The following TAF4B variants were observed in gnomAD, a reference collection of about 807,000 sequenced individuals.
TAF4B encodes TATA-box binding protein associated factor 4b.
A neutral mutation model predicts 86.4 loss-of-function variants in TAF4B; 38 were observed. That is an observed-to-expected ratio of 0.44 (90% CI 0.34 to 0.58). The LOEUF (loss-of-function observed/expected upper bound fraction) is 0.58. Ranked by LOEUF, TAF4B falls within the 20% of genes least tolerant of loss-of-function variation. TAF4B has a pLI of 0.02. For synonymous variants in TAF4B, 388 were observed against 391.2 expected (o/e 0.99, Z 0.10); for missense variants, 988 against 1,027.6 (o/e 0.96, Z 0.53).
At chr18:26,252,256 A>G (rs892101513) in intron 1 of TAF4B, among the ~76,000 whole-genome samples, 5 of 152,256 alleles carry the variant, frequency 3.3e-5, no homozygotes, top group African/African-American at 1.2e-4. Flanking sequence ...GAAGTATATT[A>G]TTCTTTTTGG....
intron 9 of TAF4B, among the ~76,000 whole-genome samples, chr18:26,309,245 ATTTTTTTTTTTTT>A (rs59457633): frequency 6.7e-4 from 57 of 84,590 alleles, no homozygotes; most frequent in Admixed American, 1.6e-3. Context: ...ACCTGACAGT[ATTTTTTTTTTTTT>A]TTTTTTTTTT....
intron 13 of TAF4B, among the ~76,000 whole-genome samples, chr18:26,336,276 A>G (rs892025077): frequency 2.6e-5 from 4 of 152,164 alleles, no homozygotes; most frequent in African/African-American, 9.7e-5. Flanking sequence ...TTTTCCCTTA[A>G]CTGTGCCTCT....
Position 26,259,118 on chromosome 18 carries a change from T to A in TAF4B, c.344-6052T>A, listed in dbSNP as rs78809350. 7.4e-3 allele frequency among the ~76,000 whole-genome samples: 1,124 copies of A among 152,134 alleles called. 30 individuals carry two copies. The East Asian group carries it at 0.11, about 15-fold the overall frequency. ...CTTGGGGTTTCTTGAGCTACTTTGA[T>A]GTCTGGATTATTTTCCTCCAAATTT... On this transcript the variant is annotated intron_variant, in intron 1 of 14. Coordinates refer to ENST00000269142, the MANE Select transcript of TAF4B (RefSeq NM_005640.3).
intron 13 of TAF4B, among the ~76,000 whole-genome samples, chr18:26,355,121 C>G (rs1467117058): frequency 2.0e-5 from 3 of 152,112 alleles, no homozygotes; most frequent in Non-Finnish European, 4.4e-5. Context: ...ATTTATATCT[C>G]AGTATTTCAT....
At chr18:26,352,109 A>G (rs1270021334) in intron 13 of TAF4B, among the ~76,000 whole-genome samples, 1 of 152,126 alleles carries the variant, frequency 6.6e-6, no homozygotes, top group Non-Finnish European at 1.5e-5. Flanking sequence ...AAAAAGGGAA[A>G]CAGAGAAATG....
intron 1 of TAF4B, among the ~76,000 whole-genome samples, chr18:26,263,707 C>CTCTT (rs1007010240): frequency 2.0e-5 from 3 of 148,386 alleles, no homozygotes; most frequent in Non-Finnish European, 3.0e-5. Context: ...CGCTCTTTCT[C>CTCTT]TCTTTCTCTC....
At chr18:26,228,803 A>G (rs2055618336) in intron 1 of TAF4B, among the ~76,000 whole-genome samples, 1 of 151,996 alleles carries the variant, frequency 6.6e-6, no homozygotes, top group Non-Finnish European at 1.5e-5. Context: ...AAGAACTGTC[A>G]AGAGTGAAAA....
At chr18:26,352,020 T>G (rs961789466) in intron 13 of TAF4B, among the ~76,000 whole-genome samples, 1 of 151,960 alleles carries the variant, frequency 6.6e-6, no homozygotes, top group East Asian at 1.9e-4. Flanking sequence ...TCACTAAAAA[T>G]TAATATAAAA....
rs2056366427 is a variant in TAF4B at position 26,274,972 on chromosome 18, A to G, written c.801A>G (p.Ala267=). 1 of 1,613,166 alleles carries G rather than the reference A, an allele frequency of 6.2e-7. No homozygotes were observed. Among genetic ancestry groups the G allele is most frequent in the South Asian group, 1.1e-5 (1 of 90,944 alleles). ...ENVKKCKNFL[A]MLIKLACSGS... is the part of the protein sequence containing the mutation. ...TGAAGAAATGCAAGAACTTCCTTGC[A>G]ATGTTAATAAAACTAGCATGTAGTG... is the stretch of plus-strand genomic sequence containing the variant. Residue 267 remains alanine, a synonymous_variant, in exon 5 of 15, where the codon GCA becomes GCG. Transcript: ENST00000269142.
intron 9 of TAF4B, among the ~76,000 whole-genome samples, chr18:26,307,579 T>A (rs913310328): frequency 6.6e-6 from 1 of 152,212 alleles, no homozygotes; most frequent in Non-Finnish European, 1.5e-5. Context: ...ATGGATAATA[T>A]CTATATACTA....
At position 26,288,360 on chromosome 18, in the gene TAF4B, C is replaced by T. The variant is rs751993954; in HGVS notation, c.1590+1861C>T. Among the ~76,000 whole-genome samples the T allele has an allele frequency of 4.6e-5, 7 of 152,258 alleles. 1 individual carries two copies. Among genetic ancestry groups the T allele is most frequent in the Non-Finnish European group, 7.4e-5 (5 of 68,022 alleles). The stretch of plus-strand genomic sequence containing the variant: ...ATCCAGTAACAGTTAAGTGGCCGGG[C>T]GCAGCGGCTCATGCCTGTAATCTCA... On this transcript the variant is annotated intron_variant, in intron 7 of 14. Transcript: ENST00000269142.
intron 3 of TAF4B, among the ~76,000 whole-genome samples, chr18:26,274,047 G>C (rs527244863): frequency 1.3e-5 from 2 of 152,210 alleles, no homozygotes; most frequent in Non-Finnish European, 2.9e-5. Context: ...GTGATTGCTT[G>C]TATGAGGTTT....
In TAF4B at chr18:26,352,039, G is replaced by A. The variant is rs1027312515; in HGVS notation, c.2317-5651G>A. On this transcript the variant is annotated intron_variant, in intron 13 of 14. Transcript: ENST00000269142. ...TAAAAATTAATATAAAACATTTAGA[G>A]TTACTACAAAATGCAGTAGATAAAT... Among the ~76,000 whole-genome samples the A allele has an allele frequency of 5.3e-5, 8 of 151,940 alleles. No homozygotes were observed. The East Asian group carries it at 9.6e-4, about 18-fold the overall frequency.
At chr18:26,268,384 G>A (rs116276532) in intron 3 of TAF4B, among the ~76,000 whole-genome samples, 2,207 of 152,260 alleles carry the variant, frequency 0.014, 41 homozygotes, top group African/African-American at 0.051. Context: ...CACTGCTGCA[G>A]CTGGTTTCTG....
rs1458140908 is a variant in TAF4B at position 26,354,051 on chromosome 18, TG to T, written c.2317-3637del. On this transcript the variant is annotated intron_variant, in intron 13 of 14. Transcript: ENST00000269142. ...TTGATTTTTAAAAAATTTTTGCACGTGGATGTTCAGTTGTTCCAACAACATT... is the reference window on the plus strand; with the variant it reads ...TTGATTTTTAAAAAATTTTTGCACGTGATGTTCAGTTGTTCCAACAACATT... 3.3e-5 allele frequency among the ~76,000 whole-genome samples: 5 copies of T among 152,290 alleles called. No homozygotes were observed. The South Asian group carries it at 6.2e-4, about 19-fold the overall frequency.
At chr18:26,379,843 T>C (rs2057466246) in intron 14 of TAF4B, among the ~76,000 whole-genome samples, 1 of 152,158 alleles carries the variant, frequency 6.6e-6, no homozygotes, top group Admixed American at 6.5e-5. Flanking sequence ...CATCTTTATC[T>C]CAATGTTTTA....
chr18:26,389,425 A>C (rs1276294874), intron 14 of TAF4B, among the ~76,000 whole-genome samples: 1 of 151,690 alleles, frequency 6.6e-6, no homozygotes, highest in Non-Finnish European at 1.5e-5. Context: ...GCATACATTT[A>C]AAGTCTACAT....
intron 14 of TAF4B, among the ~76,000 whole-genome samples, chr18:26,376,134 AGT>A (rs1048234873): frequency 1.4e-4 from 22 of 151,884 alleles, no homozygotes; most frequent in Admixed American, 1.3e-4. Flanking sequence ...GAAATTGGGA[AGT>A]GTGAGTCTAT....
At chr18:26,295,632 G>A (rs978130224) in intron 9 of TAF4B, among the ~76,000 whole-genome samples, 5 of 152,160 alleles carry the variant, frequency 3.3e-5, no homozygotes, top group African/African-American at 1.2e-4. Context: ...GACTGCTACC[G>A]GTACATGGCC....
Sources: allele counts gnomAD v4.1 joint callset (sites outside exome capture counted in the v4.1 genomes callset), GRCh38; gene constraint gnomAD v4.1.1; transcripts MANE v1.5; gene names NCBI Gene and HGNC (gene_info 2026-07-23, HGNC 2026-07-21).